Variants in NEDD4L observed in about 807,000 individuals in gnomAD.
NEDD4L encodes the protein E3 ubiquitin-protein ligase NEDD4-like.
NEDD4L carries 54 observed loss-of-function variants against 148.9 expected under a neutral mutation model. That is an observed-to-expected ratio of 0.36 (90% CI 0.29 to 0.45). NEDD4L has a LOEUF of 0.45. NEDD4L is among the 20% of genes least tolerant of loss of function. The pLI is 1.00. For missense variants in NEDD4L, 856 were observed against 1,233.8 expected (o/e 0.69, Z 4.59); for synonymous variants, 433 against 440.7 (o/e 0.98, Z 0.22).
intron 1 of NEDD4L, among the ~76,000 whole-genome samples, chr18:58,105,865 G>T (rs145351124): frequency 6.6e-6 from 1 of 152,338 alleles, no homozygotes; most frequent in East Asian, 1.9e-4. Flanking sequence ...CTGGGTGGGG[G>T]TCATAGTCTG....
In NEDD4L at chr18:58,347,125, G is replaced by A. The variant is rs144407597; in HGVS notation, c.1576-2412G>A. On this transcript the variant is annotated intron_variant, in intron 16 of 30. Transcript: ENST00000400345. Reference sequence around the variant, plus strand: ...CCACTTTAGCAGATCTTTGAAATTCGGTTGACTTTATACTTCATGCTCTGC... The same window carrying A: ...CCACTTTAGCAGATCTTTGAAATTCAGTTGACTTTATACTTCATGCTCTGC... Among the ~76,000 whole-genome samples, 8 of 151,080 alleles carry A rather than the reference G, an allele frequency of 5.3e-5. No individual in the cohort carries two copies. The East Asian group carries it at 7.8e-4, about 15-fold the overall frequency.
intron 2 of NEDD4L, among the ~76,000 whole-genome samples, chr18:58,241,029 G>A (rs1453056733): frequency 2.6e-5 from 4 of 151,952 alleles, no homozygotes; most frequent in Admixed American, 1.3e-4. Context: ...AGGCTGGTCC[G>A]GAATTCCTGA....
chr18:58,389,511 G>A (rs1448724448), intron 28 of NEDD4L: 12 of 222,536 alleles, frequency 5.4e-5, no homozygotes, highest in African/African-American at 2.3e-4. Flanking sequence ...GGGCTTCTCA[G>A]GGCAGAAACA....
At chr18:58,261,160 T>C (rs1421260413) in intron 5 of NEDD4L, among the ~76,000 whole-genome samples, 3 of 152,228 alleles carry the variant, frequency 2.0e-5, no homozygotes, top group African/African-American at 7.2e-5. Flanking sequence ...CTTTCTGTTG[T>C]CATCTCATCT....
At chr18:58,271,097 ATTGT>A (rs1350631484) in intron 5 of NEDD4L, among the ~76,000 whole-genome samples, 1 of 142,884 alleles carries the variant, frequency 7.0e-6, no homozygotes, top group Non-Finnish European at 1.5e-5. Context: ...TCTTATTATT[ATTGT>A]TTTTTTCCCT....
At chr18:58,048,371 T>TGA (rs1216657907) in intron 1 of NEDD4L, among the ~76,000 whole-genome samples, 2 of 152,222 alleles carry the variant, frequency 1.3e-5, no homozygotes, top group African/African-American at 4.8e-5. Flanking sequence ...AGATGCGCCA[T>TGA]GAGAGCAAAG....
intron 2 of NEDD4L, among the ~76,000 whole-genome samples, chr18:58,177,185 C>T (rs781070246): frequency 2.6e-5 from 4 of 152,022 alleles, no homozygotes; most frequent in Non-Finnish European, 4.4e-5. Flanking sequence ...TGTGCCCCCA[C>T]GCCCGTGCCC....
At chr18:58,307,068 C>T (rs1452168814) in intron 5 of NEDD4L, among the ~76,000 whole-genome samples, 2 of 152,178 alleles carry the variant, frequency 1.3e-5, no homozygotes, top group Non-Finnish European at 2.9e-5. Context: ...TTGGTGGAGT[C>T]CACTGGGCAG....
At chr18:58,128,230 A>G (rs946957155) in intron 1 of NEDD4L, among the ~76,000 whole-genome samples, 1 of 152,104 alleles carries the variant, frequency 6.6e-6, no homozygotes, top group African/African-American at 2.4e-5. Context: ...TATTTTTAGT[A>G]GAGATGGGGT....
At chr18:58,355,798 G>A (rs1601636302) in intron 18 of NEDD4L, among the ~76,000 whole-genome samples, 2 of 146,190 alleles carry the variant, frequency 1.4e-5, no homozygotes, top group African/African-American at 5.0e-5. Flanking sequence ...ACTTGCTTTG[G>A]TAGCTTTTTT....
chr18:58,206,642 A>G (rs1045596210), intron 2 of NEDD4L, among the ~76,000 whole-genome samples: 7 of 152,200 alleles, frequency 4.6e-5, no homozygotes, highest in Non-Finnish European at 8.8e-5. Flanking sequence ...AGATCTGGCA[A>G]CAGAACTTAA....
At chr18:58,132,695 A>C (rs769200121) in intron 1 of NEDD4L, among the ~76,000 whole-genome samples, 18 of 152,236 alleles carry the variant, frequency 1.2e-4, no homozygotes, top group Non-Finnish European at 2.4e-4. Flanking sequence ...TCGTTGTCTT[A>C]CTGAGCTTAG....
At chr18:58,178,829 A>G (rs1599402911) in intron 2 of NEDD4L, among the ~76,000 whole-genome samples, 3 of 152,208 alleles carry the variant, frequency 2.0e-5, no homozygotes, top group Non-Finnish European at 4.4e-5. Context: ...GAACTGATTG[A>G]TCATTGTTTT....
intron 5 of NEDD4L, among the ~76,000 whole-genome samples, chr18:58,264,523 TG>T (rs1343337373): frequency 6.6e-6 from 1 of 152,030 alleles, no homozygotes; most frequent in Non-Finnish European, 1.5e-5. Flanking sequence ...TACCTGTTTA[TG>T]GGGGTACATG....
At chr18:58,081,451 C>G (rs780668627) in intron 1 of NEDD4L, among the ~76,000 whole-genome samples, 34 of 151,856 alleles carry the variant, frequency 2.2e-4, no homozygotes, top group Admixed American at 3.3e-4. Flanking sequence ...TCCTGACCTC[C>G]TGATCCACCC....
chr18:58,129,468 G>T (rs1410612906), intron 1 of NEDD4L, among the ~76,000 whole-genome samples: 2 of 152,162 alleles, frequency 1.3e-5, no homozygotes, highest in Non-Finnish European at 2.9e-5. Flanking sequence ...CTCTGTTCTG[G>T]AAGCTTCTCC....
intron 30 of NEDD4L, among the ~76,000 whole-genome samples, chr18:58,395,371 C>T (rs181567300): frequency 1.4e-4 from 22 of 152,200 alleles, no homozygotes; most frequent in Admixed American, 1.2e-3. Context: ...TGCTGTATGC[C>T]GGGCCCACTG....
rs2051601575 is a variant in NEDD4L, at chr18:58,256,245, G to C, written c.297+4191G>C. ...CACCGCGCCTCCAGCGCCGACGTGC[G>C]CCAGGTGAGGCTGCTGCCCCTGGGC... On this transcript the variant is annotated intron_variant, in intron 5 of 30. Transcript: ENST00000400345. This position sits in a 1 kb window ranked among gnomAD's most constrained non-coding sequence, Gnocchi z 5.2. The C allele has an allele frequency of 2.1e-5, 26 of 1,230,128 alleles. No homozygotes were observed. The highest frequency in any genetic ancestry group is 2.3e-5 in the Non-Finnish European group (23 of 986,960). 76.2% of individuals were successfully genotyped at this position (1,230,128 alleles called of 1,614,324 possible).
intron 2 of NEDD4L, among the ~76,000 whole-genome samples, chr18:58,168,578 G>A (rs1478129334): frequency 6.6e-6 from 1 of 152,158 alleles, no homozygotes; most frequent in Non-Finnish European, 1.5e-5. Context: ...GTCCTCTCTG[G>A]CAGCCACCGT....
Sources: gnomAD v4.1 joint callset for allele counts (sites outside exome capture counted in the v4.1 genomes callset) on GRCh38, gnomAD v4.1.1 for gene constraint, Gnocchi (gnomAD v3.1) non-coding constraint, MANE v1.5 for transcripts, NCBI Gene and HGNC (gene_info 2026-07-23, HGNC 2026-07-21) for gene names.